VPS13B: variants seen among roughly 807,000 people sequenced by gnomAD.
VPS13B encodes the protein vacuolar protein sorting 13 homolog B, also known as intermembrane lipid transfer protein VPS13B.
VPS13B carries 285 observed loss-of-function variants against 426.4 expected under a neutral mutation model. The observed-to-expected ratio is 0.67, with a 90% confidence interval of 0.61 to 0.74. VPS13B has a LOEUF of 0.74. Among genes scored for constraint, VPS13B ranks in the 30% least tolerant of loss-of-function variants. The pLI, the probability that VPS13B is intolerant of heterozygous loss-of-function variation, is 0.00. For synonymous variants in VPS13B, 1,676 were observed against 1,676.4 expected (o/e 1.00, Z 0.01); for missense variants, 4,537 against 4,782.6 (o/e 0.95, Z 1.51).
chr8:99,540,680 GA>G (rs1407940034), intron 30 of VPS13B, among the ~76,000 whole-genome samples: 1 of 152,060 alleles, frequency 6.6e-6, no homozygotes, highest in Non-Finnish European at 1.5e-5. Context: ...TGAAACTGAA[GA>G]ATTTATCAGT....
intron 21 of VPS13B, among the ~76,000 whole-genome samples, chr8:99,397,527 T>C (rs1313775203): frequency 6.6e-6 from 1 of 152,184 alleles, no homozygotes; most frequent in Non-Finnish European, 1.5e-5. Flanking sequence ...TTTAATAATA[T>C]ATTGTTTAGG....
chr8:99,734,445 A>G (rs1469346573), intron 39 of VPS13B, among the ~76,000 whole-genome samples: 1 of 152,242 alleles, frequency 6.6e-6, no homozygotes, highest in Non-Finnish European at 1.5e-5. Context: ...GCTTCATGAA[A>G]CAAATAGATT....
At chr8:99,030,723 T>C (rs1842471110) in intron 2 of VPS13B, among the ~76,000 whole-genome samples, 2 of 152,248 alleles carry the variant, frequency 1.3e-5, no homozygotes, top group Non-Finnish European at 2.9e-5. Flanking sequence ...TTTTTTTAAC[T>C]GTGTGGCATT....
At chr8:99,871,379 T>C (rs1291531094) in intron 60 of VPS13B, 69 bp from the exon 61 acceptor site, 1 of 1,610,340 alleles carries the variant, frequency 6.2e-7, no homozygotes, top group Non-Finnish European at 8.5e-7. Flanking sequence ...CATTGGTAAA[T>C]AATGAGCACT....
intron 19 of VPS13B, among the ~76,000 whole-genome samples, chr8:99,367,263 C>T (rs900707469): frequency 2.6e-5 from 4 of 152,172 alleles, no homozygotes; most frequent in Non-Finnish European, 5.9e-5. Flanking sequence ...GATATTTTCA[C>T]AGGATATACT....
At chr8:99,492,083 C>T (rs979659037) in intron 25 of VPS13B, among the ~76,000 whole-genome samples, 5 of 152,074 alleles carry the variant, frequency 3.3e-5, no homozygotes, top group African/African-American at 4.8e-5. Context: ...GATGCTATTC[C>T]TTTCTGTTTG....
chr8:99,443,568 A>C lies in VPS13B; in HGVS notation c.3445+933A>C, dbSNP rs527424707. Among the ~76,000 whole-genome samples the C allele has an allele frequency of 2.0e-5, 3 of 152,264 alleles. No individual in the cohort carries two copies. The East Asian group carries it at 5.8e-4, about 29-fold the overall frequency. Reference sequence around the variant, plus strand: ...ATTATAGAATTTTAAGGTTAAAGGGAATGTTTTTAGAGTATATGGTCTTTT... The same window carrying C: ...ATTATAGAATTTTAAGGTTAAAGGGCATGTTTTTAGAGTATATGGTCTTTT... On this transcript the variant is annotated intron_variant, in intron 23 of 61. Coordinates refer to ENST00000357162, the MANE Select transcript of VPS13B (RefSeq NM_152564.5).
intron 22 of VPS13B, among the ~76,000 whole-genome samples, chr8:99,433,037 C>T (rs1318374913): frequency 2.0e-5 from 3 of 152,222 alleles, no homozygotes; most frequent in Non-Finnish European, 4.4e-5. Flanking sequence ...GATCCTGCTT[C>T]ATGAACATAC....
intron 30 of VPS13B, among the ~76,000 whole-genome samples, chr8:99,546,416 T>C (rs941107467): frequency 3.9e-5 from 6 of 152,074 alleles, no homozygotes; most frequent in Non-Finnish European, 5.9e-5. Context: ...TTTTGAAGGC[T>C]AGTTCTCATA....
intron 30 of VPS13B, among the ~76,000 whole-genome samples, chr8:99,525,932 G>A (rs1269610037): frequency 1.3e-5 from 2 of 152,180 alleles, no homozygotes; most frequent in Non-Finnish European, 2.9e-5. Flanking sequence ...GGGGAATTTA[G>A]CAGGCTGTGA....
intron 33 of VPS13B, among the ~76,000 whole-genome samples, chr8:99,611,345 A>T (rs1011392722): frequency 7.2e-5 from 11 of 152,184 alleles, no homozygotes; most frequent in African/African-American, 2.7e-4. Context: ...TATTTTTGAT[A>T]GGAATTTTCA....
chr8:99,835,456 GT>G (rs1815339378), intron 53 of VPS13B, 82 bp from the exon 54 acceptor site: 2 of 1,529,162 alleles, frequency 1.3e-6, no homozygotes, highest in Non-Finnish European at 1.8e-6. Context: ...TTTTTGAGAA[GT>G]TTCTTTTGCC....
At chr8:99,667,389 T>C (rs1258314768) in intron 35 of VPS13B, among the ~76,000 whole-genome samples, 1 of 152,192 alleles carries the variant, frequency 6.6e-6, no homozygotes, top group East Asian at 1.9e-4. Context: ...GACAGGGTAA[T>C]GATAAAGAAA....
At chr8:99,484,268 G>T (rs1179163959) in intron 25 of VPS13B, among the ~76,000 whole-genome samples, 2 of 152,008 alleles carry the variant, frequency 1.3e-5, no homozygotes, top group Non-Finnish European at 2.9e-5. Flanking sequence ...GAAAGTTGAG[G>T]ATTTTTTCTG....
At chr8:99,507,770 C>G in intron 28 of VPS13B, 2 of 1,613,964 alleles carry the variant, frequency 1.2e-6, no homozygotes, top group South Asian at 2.2e-5. Context: ...TCACTTCAAG[C>G]CTTGGGGAAG....
At chr8:99,632,207 T>A (rs1171916450) in intron 33 of VPS13B, among the ~76,000 whole-genome samples, 2 of 151,960 alleles carry the variant, frequency 1.3e-5, no homozygotes, top group Non-Finnish European at 2.9e-5. Context: ...CCAGGTATGA[T>A]TAAAATTTAC....
At chr8:99,306,514 A>G in intron 19 of VPS13B, among the ~76,000 whole-genome samples, 1 of 152,076 alleles carries the variant, frequency 6.6e-6, no homozygotes, top group African/African-American at 2.4e-5. Flanking sequence ...TGTTTATTGT[A>G]TTAACCCTAT....
chr8:99,188,490 GTGT>G (rs776192486), intron 16 of VPS13B, among the ~76,000 whole-genome samples: 2 of 152,092 alleles, frequency 1.3e-5, no homozygotes, highest in Admixed American at 6.6e-5. Flanking sequence ...GGGTACATTT[GTGT>G]TGTTCTCATT....
intron 33 of VPS13B, among the ~76,000 whole-genome samples, chr8:99,597,853 G>A (rs1001549273): frequency 2.0e-5 from 3 of 151,992 alleles, no homozygotes; most frequent in African/African-American, 7.2e-5. Flanking sequence ...AGTATTCTAA[G>A]TCTGAGATGA....
Sources: gnomAD v4.1 joint callset for allele counts (sites outside exome capture counted in the v4.1 genomes callset) on GRCh38, gnomAD v4.1.1 for gene constraint, MANE v1.5 for transcripts, NCBI Gene and HGNC (gene_info 2026-07-23, HGNC 2026-07-21) for gene names.